TOMM70: variants seen among roughly 807,000 people sequenced by gnomAD.
TOMM70 encodes the protein translocase of outer mitochondrial membrane 70.
TOMM70 carries 13 observed loss-of-function variants against 73.6 expected under a neutral mutation model. The ratio of observed to expected loss-of-function variants is 0.18; its 90% CI spans 0.11 to 0.28. The LOEUF is 0.28. TOMM70 is among the 10% of genes least tolerant of loss of function. The pLI is 1.00. For missense variants in TOMM70, 609 were observed against 747.5 expected, an observed-to-expected ratio of 0.81 and a Z score of 2.16; for synonymous variants, 257 against 271.2, an observed-to-expected ratio of 0.95 and a Z score of 0.51.
intron 5 of TOMM70, among the ~76,000 whole-genome samples, chr3:100,380,798 C>A (rs1304857982): frequency 1.3e-5 from 2 of 152,102 alleles, no homozygotes; most frequent in Non-Finnish European, 2.9e-5. Flanking sequence ...TAATTATGCA[C>A]AGTATCTTCT....
chr3:100,379,798 CT>C (rs1706609585), intron 5 of TOMM70, among the ~76,000 whole-genome samples: 4 of 151,982 alleles, frequency 2.6e-5, no homozygotes, highest in Non-Finnish European at 5.9e-5. Flanking sequence ...TGTTATTCTT[CT>C]GTAGAGACAG....
At chr3:100,391,078 T>C (rs985783711) in intron 1 of TOMM70, among the ~76,000 whole-genome samples, 1 of 152,180 alleles carries the variant, frequency 6.6e-6, no homozygotes, top group South Asian at 2.1e-4. Flanking sequence ...GAGGCGGCGC[T>C]TGCAGTGAGC....
chr3:100,390,759 G>A (rs564651012), intron 1 of TOMM70, among the ~76,000 whole-genome samples: 8 of 152,078 alleles, frequency 5.3e-5, no homozygotes, highest in Non-Finnish European at 8.8e-5. Flanking sequence ...AACCTGGGAG[G>A]CAGAGGTTGT....
Position 100,365,553 on chromosome 3 carries a change from T to G in TOMM70, c.*11A>C. 2 of 1,614,190 alleles carry G rather than the reference T, an allele frequency of 1.2e-6. No homozygotes were observed. The highest frequency in any genetic ancestry group is 1.7e-6 in the Non-Finnish European group (2 of 1,179,990). ...CTTTTAAAAAGAGGGTCAGTCTGCT[T>G]TCCCCCTGTTTTATAATGTTGGTGG... On this transcript the variant is annotated 3_prime_UTR_variant, in exon 12 of 12. Coordinates refer to ENST00000284320, the MANE Select transcript of TOMM70 (RefSeq NM_014820.5).
At chr3:100,393,176 CAA>C (rs534479540) in intron 1 of TOMM70, among the ~76,000 whole-genome samples, 23 of 88,208 alleles carry the variant, frequency 2.6e-4, no homozygotes, top group Admixed American at 3.7e-4. Flanking sequence ...AACTCTGTCT[CAA>C]AAAAAAAAAA....
intron 1 of TOMM70, among the ~76,000 whole-genome samples, chr3:100,390,866 G>A (rs1206930006): frequency 6.6e-6 from 1 of 152,034 alleles, no homozygotes; most frequent in African/African-American, 2.4e-5. Flanking sequence ...CAGGCTGAGT[G>A]CGGCGGCTCA....
At chr3:100,397,677 T>A (rs1423970315) in intron 1 of TOMM70, among the ~76,000 whole-genome samples, 1 of 151,852 alleles carries the variant, frequency 6.6e-6, no homozygotes, top group Non-Finnish European at 1.5e-5. Context: ...AATCACGAGG[T>A]CAGGAGTTTG....
chr3:100,395,096 G>A (rs1037814983), intron 1 of TOMM70, among the ~76,000 whole-genome samples: 1 of 152,130 alleles, frequency 6.6e-6, no homozygotes, highest in East Asian at 1.9e-4. Flanking sequence ...ACGGCCAGGC[G>A]CGGTGGCTCA....
At chr3:100,400,555 AC>A in intron 1 of TOMM70, 70 bp downstream of exon 1, 1 of 1,535,266 alleles carries the variant, frequency 6.5e-7, no homozygotes. Context: ...AAGCCCCCTC[AC>A]TGACACAACC....
chr3:100,387,001 T>C (rs1413122048), intron 1 of TOMM70, 23 bp from the exon 2 acceptor site: 2 of 1,608,654 alleles, frequency 1.2e-6, no homozygotes, highest in Non-Finnish European at 1.7e-6. Context: ...GAAACAATTA[T>C]CAAACACTAA....
chr3:100,368,619 A>T (rs1434133510), intron 10 of TOMM70, among the ~76,000 whole-genome samples: 2 of 152,216 alleles, frequency 1.3e-5, no homozygotes, highest in Admixed American at 6.5e-5. Flanking sequence ...TCTGCCGCCC[A>T]GGCTGGAGAG....
chr3:100,372,761 CA>C lies in TOMM70; in HGVS notation c.1336-40del. 5 of 1,503,142 alleles carry C rather than the reference CA, an allele frequency of 3.3e-6. 1 individual carries two copies. Among genetic ancestry groups the C allele is most frequent in the Non-Finnish European group, 4.6e-6 (5 of 1,090,726 alleles). The allele number at this position is 1,503,142 out of a possible 1,614,324, so 93.1% of individuals were successfully genotyped here. A position where few individuals can be genotyped will look rare whatever the true frequency, so the allele number is the denominator to read the frequency against. On this transcript the variant is annotated intron_variant, in intron 8 of 11. Coordinates refer to ENST00000284320, the MANE Select transcript of TOMM70 (RefSeq NM_014820.5). ...AAACAGGCCTGTCAAATCAAGAACT[CA>C]AAAACTCATGGAATGTTAACATAAA...
At chr3:100,398,383 C>CAA (rs397970636) in intron 1 of TOMM70, among the ~76,000 whole-genome samples, 26,171 of 97,626 alleles carry the variant, frequency 0.27, 3,128 homozygotes, top group Middle Eastern at 0.33. Context: ...GACGCTGTCT[C>CAA]AAAAAAAAAA....
At chr3:100,393,530 T>A (rs563856402) in intron 1 of TOMM70, among the ~76,000 whole-genome samples, 1 of 152,056 alleles carries the variant, frequency 6.6e-6, no homozygotes, top group Admixed American at 6.5e-5. Context: ...TGCACTAAAA[T>A]CTCAGACTTT....
chr3:100,392,834 A>T (rs1671532113), intron 1 of TOMM70, among the ~76,000 whole-genome samples: 1 of 152,222 alleles, frequency 6.6e-6, no homozygotes, highest in African/African-American at 2.4e-5. Flanking sequence ...ATTATATCAA[A>T]AAGACACCTG....
chr3:100,385,922 T>A (rs1706686717), intron 3 of TOMM70, among the ~76,000 whole-genome samples: 1 of 152,206 alleles, frequency 6.6e-6, no homozygotes, highest in Non-Finnish European at 1.5e-5. Context: ...TGCTAAAACT[T>A]CTTTTCTGAT....
Position 100,363,680 on chromosome 3 carries a change from G to A in TOMM70, c.*1884C>T, listed in dbSNP as rs1706418251. ...AGAAGGGAGAAGAGTAGAAGAAAAT[G>A]TCAGTGTTAATGTAAATACAGCCAT... On this transcript the variant is annotated 3_prime_UTR_variant, in exon 12 of 12. Coordinates refer to ENST00000284320, the MANE Select transcript of TOMM70 (RefSeq NM_014820.5). The A allele has an allele frequency of 6.6e-6, 1 of 152,598 alleles. No individual in the cohort carries two copies. The allele number at this position is 152,598 out of a possible 1,614,324, so 9.5% of individuals were successfully genotyped here.
At chr3:100,368,366 A>G (rs1051492159) in intron 10 of TOMM70, among the ~76,000 whole-genome samples, 200 bp from the exon 11 acceptor site, 3 of 152,200 alleles carry the variant, frequency 2.0e-5, no homozygotes, top group Non-Finnish European at 4.4e-5. Context: ...TATTACAAAA[A>G]GTGTTCAATG....
intron 1 of TOMM70, among the ~76,000 whole-genome samples, chr3:100,400,347 A>C (rs1021032393): frequency 6.6e-6 from 1 of 152,030 alleles, no homozygotes; most frequent in Non-Finnish European, 1.5e-5. Flanking sequence ...CAAATGCCCC[A>C]CTCCCATCTA....
Sources: allele counts gnomAD v4.1 joint callset (sites outside exome capture counted in the v4.1 genomes callset), GRCh38; gene constraint gnomAD v4.1.1; transcripts MANE v1.5; gene names NCBI Gene and HGNC (gene_info 2026-07-23, HGNC 2026-07-21).